Variants in MTA3 observed in about 807,000 individuals in gnomAD.
The protein encoded by MTA3 is metastasis-associated protein MTA3.
MTA3 carries 34 observed loss-of-function variants against 83.5 expected under a neutral mutation model. The ratio of observed to expected loss-of-function variants is 0.41; its 90% CI spans 0.31 to 0.54. The LOEUF (loss-of-function observed/expected upper bound fraction) is 0.54. Ranked by LOEUF, MTA3 falls within the 20% of genes least tolerant of loss-of-function variation. MTA3 has a pLI of 0.33. For synonymous variants in MTA3, 303 were observed against 252.7 expected, an observed-to-expected ratio of 1.20 and a Z score of -1.89; for missense variants, 761 against 726.4, an observed-to-expected ratio of 1.05 and a Z score of -0.55.
intron 8 of MTA3, among the ~76,000 whole-genome samples, chr2:42,660,224 G>A (rs1689556248): frequency 6.6e-6 from 1 of 152,224 alleles, no homozygotes; most frequent in South Asian, 2.1e-4. Flanking sequence ...GAGTAGTTGG[G>A]ATTACAGGCA....
chr2:42,526,032 G>A (rs1675696036), intron 2 of MTA3, among the ~76,000 whole-genome samples: 1 of 152,020 alleles, frequency 6.6e-6, no homozygotes, highest in South Asian at 2.1e-4. Context: ...TTGGAATCCA[G>A]AGTACCCAGG....
Position 42,656,209 on chromosome 2 carries a change from A to T in MTA3, c.509A>T (p.Asp170Val), listed in dbSNP as rs1689159003. Residue 170 changes from aspartate to valine, a missense_variant, in exon 7 of 17, where the codon GAT becomes GTT. Coordinates refer to ENST00000405094, the MANE Select transcript of MTA3 (RefSeq NM_001330442.2). ...ATTTATTTTTGGACAGGAGAATCAG[A>T]TGAGAGGGAACAATCAAAATTGGAA... is the stretch of plus-strand genomic sequence containing the variant. ...IPEMLLEGES[D>V]EREQSKLEVK... 1.9e-6 allele frequency: 3 copies of T among 1,613,114 alleles called. No homozygotes were observed. The highest frequency in any genetic ancestry group is 2.2e-5 in the East Asian group (1 of 44,840).
intron 16 of MTA3, among the ~76,000 whole-genome samples, chr2:42,734,041 T>G (rs1350044679): frequency 6.6e-6 from 1 of 152,238 alleles, no homozygotes; most frequent in Admixed American, 6.5e-5. Flanking sequence ...TTATTGGGTT[T>G]GTTTGGTCTA....
chr2:42,609,758 C>T (rs1194855295), intron 4 of MTA3, among the ~76,000 whole-genome samples, 174 bp downstream of exon 4: 1 of 152,110 alleles, frequency 6.6e-6, no homozygotes, highest in African/African-American at 2.4e-5. Flanking sequence ...TATTAAAGCC[C>T]CACAAAAGTT....
intron 2 of MTA3, among the ~76,000 whole-genome samples, chr2:42,536,175 T>C (rs1206912853): frequency 1.4e-5 from 2 of 146,252 alleles, no homozygotes; most frequent in African/African-American, 5.1e-5. Flanking sequence ...CCGGGCCATA[T>C]GAAAATCGAG....
At chr2:42,647,540 C>T (rs571270043) in intron 6 of MTA3, among the ~76,000 whole-genome samples, 1 of 151,248 alleles carries the variant, frequency 6.6e-6, no homozygotes, top group South Asian at 2.1e-4. Context: ...TGCCTCCCAC[C>T]CCGCCTCCCA....
At chr2:42,615,407 G>A (rs1020109373) in intron 4 of MTA3, among the ~76,000 whole-genome samples, 1 of 151,724 alleles carries the variant, frequency 6.6e-6, no homozygotes, top group Non-Finnish European at 1.5e-5. Context: ...CTGGATCTGG[G>A]CCTAGTGCTG....
upstream of MTA3, among the ~76,000 whole-genome samples, chr2:42,567,642 CGTT>C (rs1677977606): frequency 6.7e-6 from 1 of 150,102 alleles, no homozygotes; most frequent in Non-Finnish European, 1.5e-5. Context: ...TAAGATTCAA[CGTT>C]GTTTTTTTTT....
chr2:42,588,566 A>G (rs1680602902), intron 3 of MTA3, among the ~76,000 whole-genome samples: 1 of 152,198 alleles, frequency 6.6e-6, no homozygotes, highest in South Asian at 2.1e-4. Context: ...CAGACATGGA[A>G]GAGATTTAGG....
chr2:42,559,440 C>T (rs1451297817), intron 2 of MTA3, among the ~76,000 whole-genome samples: 8 of 149,724 alleles, frequency 5.3e-5, no homozygotes, highest in African/African-American at 1.5e-4. Flanking sequence ...AGGCGGAGGC[C>T]GCAGTAAGCC....
chr2:42,577,515 G>T (rs1182790752), intron 2 of MTA3, among the ~76,000 whole-genome samples: 10 of 148,808 alleles, frequency 6.7e-5, no homozygotes, highest in Non-Finnish European at 1.3e-4. Context: ...GATTGTCACT[G>T]TGTCACCCAG....
intron 2 of MTA3, among the ~76,000 whole-genome samples, chr2:42,537,103 T>C (rs1676281407): frequency 6.6e-6 from 1 of 152,084 alleles, no homozygotes; most frequent in Non-Finnish European, 1.5e-5. Flanking sequence ...CCCATCCCTG[T>C]ACAGCTGACC....
At chr2:42,578,829 G>A (rs1679317498) in intron 2 of MTA3, among the ~76,000 whole-genome samples, 1 of 152,120 alleles carries the variant, frequency 6.6e-6, no homozygotes, top group African/African-American at 2.4e-5. Flanking sequence ...GCTAATCAGT[G>A]TTAACTATGT....
At chr2:42,500,412 G>A (rs1436617960) in intron 2 of MTA3, among the ~76,000 whole-genome samples, 1 of 151,944 alleles carries the variant, frequency 6.6e-6, no homozygotes, top group Non-Finnish European at 1.5e-5. Context: ...AAAAAAATTA[G>A]CTGGGTGTGG....
At chr2:42,535,412 T>C (rs578012363) in intron 2 of MTA3, among the ~76,000 whole-genome samples, 45 of 152,164 alleles carry the variant, frequency 3.0e-4, no homozygotes, top group African/African-American at 9.6e-4. Context: ...ACTTTTTTTT[T>C]ATTAAAAATT....
intron 11 of MTA3, among the ~76,000 whole-genome samples, chr2:42,699,964 A>G (rs1029675169): frequency 2.0e-5 from 3 of 152,168 alleles, no homozygotes; most frequent in African/African-American, 7.2e-5. Flanking sequence ...GATCAGATAG[A>G]ATATGATAGC....
chr2:42,755,632 G>C lies in MTA3; in HGVS notation c.*2233G>C. ...CCCCTCGTTCTGACAGAATCCCCCA[G>C]GCAATGGAGGAAGGGTGCCGAGGCG... On this transcript the variant is annotated 3_prime_UTR_variant, in exon 17 of 17. Coordinates refer to ENST00000405094, the MANE Select transcript of MTA3 (RefSeq NM_001330442.2). 1 of 985,602 alleles carries C rather than the reference G, an allele frequency of 1.0e-6. No homozygotes were observed. The highest frequency in any genetic ancestry group is 1.2e-6 in the Non-Finnish European group (1 of 830,074). The allele number at this position is 985,602 out of a possible 1,614,324, so 61.1% of individuals were successfully genotyped here. A position where few individuals can be genotyped will look rare whatever the true frequency, so the allele number is the denominator to read the frequency against.
chr2:42,628,771 C>CTT (rs1558520009), intron 4 of MTA3, among the ~76,000 whole-genome samples: 1 of 15,220 alleles, frequency 6.6e-5, no homozygotes, highest in East Asian at 9.5e-4. Flanking sequence ...ACATTTCCAC[C>CTT]CTTTTTTTTT....
intron 4 of MTA3, among the ~76,000 whole-genome samples, chr2:42,633,723 C>G (rs1275647619): frequency 6.6e-6 from 1 of 151,940 alleles, no homozygotes; most frequent in African/African-American, 2.4e-5. Flanking sequence ...AACCCCGTCT[C>G]TACTAAAAAT....
Sources: allele counts gnomAD v4.1 joint callset (sites outside exome capture counted in the v4.1 genomes callset), GRCh38; gene constraint gnomAD v4.1.1; transcripts MANE v1.5; gene names NCBI Gene and HGNC (gene_info 2026-07-23, HGNC 2026-07-21).